LRMDA: variants seen among roughly 807,000 people sequenced by gnomAD.
LRMDA encodes leucine rich melanocyte differentiation associated.
In LRMDA, 18 loss-of-function variants were observed where a neutral mutation model predicts 29.8. That is an observed-to-expected ratio of 0.60 (90% CI 0.42 to 0.90). The LOEUF (loss-of-function observed/expected upper bound fraction) is 0.90. Among genes scored for constraint, LRMDA ranks in the 40% least tolerant of loss-of-function variants. The pLI, the probability that LRMDA is intolerant of heterozygous loss-of-function variation, is 0.00. For synonymous variants in LRMDA, 125 were observed against 109.4 expected, an observed-to-expected ratio of 1.14 and a Z score of -0.89; for missense variants, 273 against 273.9, an observed-to-expected ratio of 1.00 and a Z score of 0.02.
intron 2 of LRMDA, among the ~76,000 whole-genome samples, chr10:75,997,569 A>G (rs1430676893): frequency 1.3e-5 from 2 of 151,826 alleles, no homozygotes; most frequent in Non-Finnish European, 2.9e-5. Context: ...TTCGAGGACT[A>G]TTATGTAAAG....
chr10:75,783,366 G>A (rs1000006010), intron 2 of LRMDA, among the ~76,000 whole-genome samples: 16 of 151,904 alleles, frequency 1.1e-4, no homozygotes, highest in Admixed American at 4.6e-4. Context: ...TGCTAAATTC[G>A]GAAGTTGAGT....
intron 5 of LRMDA, among the ~76,000 whole-genome samples, chr10:76,174,683 A>G (rs1226158653): frequency 1.3e-5 from 2 of 152,216 alleles, no homozygotes; most frequent in African/African-American, 4.8e-5. Context: ...GGTAGCAACA[A>G]TCTAGGACCC....
chr10:75,889,603 G>C (rs1036363778), intron 2 of LRMDA, among the ~76,000 whole-genome samples: 2 of 152,214 alleles, frequency 1.3e-5, no homozygotes, highest in Non-Finnish European at 2.9e-5. Flanking sequence ...TTGGGTGATT[G>C]TGCAATTGTG....
chr10:76,501,648 G>T (rs551280909), intron 6 of LRMDA, among the ~76,000 whole-genome samples: 19 of 151,244 alleles, frequency 1.3e-4, no homozygotes, highest in Non-Finnish European at 2.4e-4. Context: ...CATGTTTGTT[G>T]TATGTTTTCT....
At chr10:75,594,441 A>G (rs1249662489) in intron 2 of LRMDA, among the ~76,000 whole-genome samples, 15 of 152,366 alleles carry the variant, frequency 9.8e-5, no homozygotes. Context: ...CTTTCAGGAA[A>G]AAAGAACTTC....
At chr10:76,391,989 C>A (rs529514872) in intron 6 of LRMDA, among the ~76,000 whole-genome samples, 1 of 152,108 alleles carries the variant, frequency 6.6e-6, no homozygotes, top group Non-Finnish European at 1.5e-5. Context: ...ATTGTCTGGG[C>A]TACCAAACTT....
chr10:75,590,299 A>G (rs1378653605), intron 2 of LRMDA, among the ~76,000 whole-genome samples: 1 of 152,182 alleles, frequency 6.6e-6, no homozygotes, highest in Non-Finnish European at 1.5e-5. Flanking sequence ...GATTACAGGC[A>G]TGAGCCACCA....
chr10:76,143,883 A>G (rs962553031), intron 5 of LRMDA, among the ~76,000 whole-genome samples: 2 of 152,290 alleles, frequency 1.3e-5, no homozygotes, highest in Admixed American at 1.3e-4. Flanking sequence ...GTTGTAAGGA[A>G]GGGATCCAGT....
intron 6 of LRMDA, among the ~76,000 whole-genome samples, chr10:76,527,402 G>A (rs1273613183): frequency 3.9e-5 from 6 of 152,158 alleles, no homozygotes; most frequent in African/African-American, 1.4e-4. Flanking sequence ...GTAATCTCAT[G>A]CAAATTACAT....
chr10:76,444,979 A>T (rs1842340015), intron 6 of LRMDA, among the ~76,000 whole-genome samples: 1 of 152,098 alleles, frequency 6.6e-6, no homozygotes, highest in African/African-American at 2.4e-5. Context: ...TTATATTCAT[A>T]TGTGTATATA....
At chr10:76,052,415 TGGGGAGCAGCCATTGCCCTGG>T (rs1158958261) in intron 4 of LRMDA, among the ~76,000 whole-genome samples, 51 of 152,142 alleles carry the variant, frequency 3.4e-4, no homozygotes, top group South Asian at 1.5e-3. Context: ...AAGGTGTTCC[TGGGGAGCAGCCATTGCCCTGG>T]GGGGAGCAGC....
At chr10:75,650,641 G>A (rs952085175) in intron 2 of LRMDA, among the ~76,000 whole-genome samples, 1 of 152,192 alleles carries the variant, frequency 6.6e-6, no homozygotes, top group African/African-American at 2.4e-5. Flanking sequence ...AAAAGGAAAG[G>A]TGATAGTATT....
Position 76,047,157 on chromosome 10 carries a change from T to A in LRMDA, c.259-7T>A. 3.7e-6 allele frequency: 6 copies of A among 1,613,952 alleles called. No homozygotes were observed. Among genetic ancestry groups the A allele is most frequent in the Non-Finnish European group, 5.1e-6 (6 of 1,179,918 alleles). On this transcript the variant is annotated splice_region_variant and splice_polypyrimidine_tract_variant and intron_variant, in intron 3 of 6. Coordinates refer to ENST00000611255, the MANE Select transcript of LRMDA (RefSeq NM_001305581.2). ...CTTACTGGACCAAGATTCTTAACCTTTGTCACATCACTGATTTGGAGAACC... is the reference window on the plus strand; with the variant it reads ...CTTACTGGACCAAGATTCTTAACCTATGTCACATCACTGATTTGGAGAACC...
intron 5 of LRMDA, among the ~76,000 whole-genome samples, chr10:76,171,678 G>A (rs2132193478): frequency 6.6e-6 from 1 of 152,286 alleles, no homozygotes; most frequent in Admixed American, 6.5e-5. Context: ...CTTTAAGTTG[G>A]TGCTTCTCTT....
At chr10:76,008,278 C>T (rs1847709436) in intron 2 of LRMDA, among the ~76,000 whole-genome samples, 2 of 152,128 alleles carry the variant, frequency 1.3e-5, no homozygotes, top group Non-Finnish European at 2.9e-5. Flanking sequence ...GAGCAGGCCT[C>T]CATGGAGTGA....
chr10:75,532,653 T>G (rs1180798058), intron 2 of LRMDA, among the ~76,000 whole-genome samples: 1 of 152,162 alleles, frequency 6.6e-6, no homozygotes, highest in African/African-American at 2.4e-5. Context: ...GAAGTCCTGC[T>G]TGAGTCATTC....
intron 6 of LRMDA, among the ~76,000 whole-genome samples, chr10:76,415,824 A>G (rs751160290): frequency 6.6e-6 from 1 of 152,184 alleles, no homozygotes; most frequent in Non-Finnish European, 1.5e-5. Context: ...CACGAGATGC[A>G]CTGACACAGG....
At chr10:75,720,960 A>G (rs1031292966) in intron 2 of LRMDA, among the ~76,000 whole-genome samples, 2 of 152,340 alleles carry the variant, frequency 1.3e-5, no homozygotes, top group Middle Eastern at 3.4e-3. Context: ...TCATCAGGGT[A>G]TTTCAAATCA....
At chr10:75,773,295 G>A (rs929829340) in intron 2 of LRMDA, among the ~76,000 whole-genome samples, 6 of 152,220 alleles carry the variant, frequency 3.9e-5, no homozygotes, top group African/African-American at 1.4e-4. Context: ...CAGAGAGGCT[G>A]CAATGGAAAG....
Sources: gnomAD v4.1 joint callset for allele counts (sites outside exome capture counted in the v4.1 genomes callset) on GRCh38, gnomAD v4.1.1 for gene constraint, MANE v1.5 for transcripts, NCBI Gene and HGNC (gene_info 2026-07-23, HGNC 2026-07-21) for gene names.